Variants in FBXL5 observed in about 807,000 individuals in gnomAD.
FBXL5 encodes F-box and leucine rich repeat protein 5.
Under a neutral mutation model 78.3 loss-of-function variants are expected in FBXL5, and 26 were observed. The observed-to-expected ratio is 0.33, with a 90% confidence interval of 0.24 to 0.46. The LOEUF is 0.46. FBXL5 is among the 20% of genes least tolerant of loss of function. The probability of loss-of-function intolerance (pLI) is 1.00; values close to 1 mark genes in which losing one functional copy is unlikely to be tolerated. For missense variants in FBXL5, 710 were observed against 829.2 expected, an observed-to-expected ratio of 0.86 and a Z score of 1.77; for synonymous variants, 295 against 282.5, an observed-to-expected ratio of 1.04 and a Z score of -0.45.
intron 5 of FBXL5, among the ~76,000 whole-genome samples, chr4:15,632,551 G>A (rs2148603346): frequency 6.6e-6 from 1 of 152,292 alleles, no homozygotes; most frequent in African/African-American, 2.4e-5. Flanking sequence ...CATGAGCATG[G>A]AATGTTCTTC....
intron 1 of FBXL5, among the ~76,000 whole-genome samples, chr4:15,645,069 G>C (rs999563395): frequency 2.6e-5 from 4 of 151,964 alleles, no homozygotes; most frequent in African/African-American, 9.7e-5. Flanking sequence ...AGGGAAACTT[G>C]ATTAGGTTAA....
intron 1 of FBXL5, among the ~76,000 whole-genome samples, chr4:15,665,446 G>A (rs1184941581): frequency 6.6e-6 from 1 of 152,040 alleles, no homozygotes; most frequent in East Asian, 1.9e-4. Flanking sequence ...GGTCTACCTT[G>A]CAGGAATTAC....
At chr4:15,673,258 G>A (rs1022387261) in intron 1 of FBXL5, among the ~76,000 whole-genome samples, 5 of 152,012 alleles carry the variant, frequency 3.3e-5, no homozygotes, top group African/African-American at 7.3e-5. Flanking sequence ...TGGACAACAT[G>A]GCAAAATCCT....
chr4:15,623,330 T>C (rs1712673340), intron 9 of FBXL5, among the ~76,000 whole-genome samples: 1 of 152,046 alleles, frequency 6.6e-6, no homozygotes. Flanking sequence ...TCTGGGTTTT[T>C]TAAAACATCC....
intron 2 of FBXL5, 118 bp from the exon 3 acceptor site, chr4:15,641,001 C>A: frequency 1.9e-6 from 1 of 521,484 alleles, no homozygotes. Context: ...AGACAAATTG[C>A]AAAGTGGTCT....
At chr4:15,651,472 C>G (rs1432560298) in intron 1 of FBXL5, among the ~76,000 whole-genome samples, 2 of 152,126 alleles carry the variant, frequency 1.3e-5, no homozygotes, top group Non-Finnish European at 2.9e-5. Flanking sequence ...GTAGTAAGAA[C>G]TCATTAAATT....
chr4:15,676,602 T>C (rs1392261309), intron 1 of FBXL5, among the ~76,000 whole-genome samples: 1 of 152,082 alleles, frequency 6.6e-6, no homozygotes, highest in African/African-American at 2.4e-5. Context: ...TATTAGATAT[T>C]AGATAAAAAT....
At chr4:15,606,035 A>T (rs1721864840) in intron 10 of FBXL5, among the ~76,000 whole-genome samples, 1 of 152,198 alleles carries the variant, frequency 6.6e-6, no homozygotes, top group Non-Finnish European at 1.5e-5. Context: ...GAAAAAAATA[A>T]TTTTTAGCAA....
intron 9 of FBXL5, among the ~76,000 whole-genome samples, chr4:15,624,704 C>T (rs1712840225): frequency 6.6e-6 from 1 of 150,802 alleles, no homozygotes; most frequent in African/African-American, 2.4e-5. Context: ...CTCTTTATGA[C>T]TTAAAAAAGC....
At chr4:15,673,744 C>G (rs150349887) in intron 1 of FBXL5, among the ~76,000 whole-genome samples, 1 of 152,332 alleles carries the variant, frequency 6.6e-6, no homozygotes, top group Non-Finnish European at 1.5e-5. Context: ...AGAATTCTCT[C>G]TCTATGCAGC....
intron 1 of FBXL5, among the ~76,000 whole-genome samples, chr4:15,648,427 C>T (rs989188533): frequency 1.3e-5 from 2 of 152,188 alleles, no homozygotes; most frequent in Non-Finnish European, 2.9e-5. Context: ...GAGATATCTG[C>T]ACTCCCATGT....
rs190121273 is a variant in FBXL5, at chr4:15,630,696, A to G, written c.862T>C (p.Trp288Arg). 5.0e-6 allele frequency: 8 copies of G among 1,597,224 alleles called. No individual in the cohort carries two copies. In the Admixed American group the frequency reaches 1.5e-4, roughly 29 times the overall value. ...RKDESRAFHEWDEDADIDESE... is the reference protein window; with the variant it reads ...RKDESRAFHERDEDADIDESE... The stretch of plus-strand genomic sequence containing the variant: ...TCATCAATGTCAGCATCTTCATCCC[A>G]CTCATGAAAAGCACGACTTTCATCT... Residue 288 changes from tryptophan to arginine, a missense_variant, in exon 6 of 11, where the codon TGG becomes CGG. Trp to Arg is a moderately radical substitution (Grantham distance 101). Around this residue, in one of 4 missense-constraint regions of FBXL5, gnomAD observed 517 missense variants for 542.9 expected, o/e 0.95. Coordinates refer to ENST00000341285, the MANE Select transcript of FBXL5 (RefSeq NM_012161.4).
At chr4:15,614,953 T>C (rs1288922205) in intron 9 of FBXL5, among the ~76,000 whole-genome samples, 2 of 152,004 alleles carry the variant, frequency 1.3e-5, no homozygotes, top group Non-Finnish European at 2.9e-5. Context: ...GTGCGGCGCT[T>C]GCGGGCCAGC....
intron 10 of FBXL5, among the ~76,000 whole-genome samples, chr4:15,607,354 A>G (rs1721958969): frequency 6.6e-6 from 1 of 152,208 alleles, no homozygotes; most frequent in African/African-American, 2.4e-5. Context: ...TTTAATCAAA[A>G]TAACAATCTT....
chr4:15,626,236 G>A (rs1384657031), intron 8 of FBXL5, among the ~76,000 whole-genome samples: 1 of 152,162 alleles, frequency 6.6e-6, no homozygotes, highest in African/African-American at 2.4e-5. Flanking sequence ...GAAGACTTAA[G>A]TTTATTATCC....
chr4:15,678,397 C>G (rs568365410), intron 1 of FBXL5, among the ~76,000 whole-genome samples: 1 of 152,250 alleles, frequency 6.6e-6, no homozygotes, highest in African/African-American at 2.4e-5. Context: ...GAAACAAAAA[C>G]AAATGAAAAC....
intron 9 of FBXL5, among the ~76,000 whole-genome samples, chr4:15,617,321 T>C (rs1433006564): frequency 6.6e-6 from 1 of 152,028 alleles, no homozygotes; most frequent in Non-Finnish European, 1.5e-5. Flanking sequence ...GCAGGTGGAC[T>C]GCCTGAGCTC....
chr4:15,644,406 T>G, intron 2 of FBXL5, 87 bp downstream of exon 2: 2 of 1,042,626 alleles, frequency 1.9e-6, no homozygotes, highest in Non-Finnish European at 2.8e-6. Flanking sequence ...TTACATCATT[T>G]ACTATAAAAC....
intron 9 of FBXL5, among the ~76,000 whole-genome samples, chr4:15,619,214 T>C (rs1712228543): frequency 1.3e-5 from 2 of 152,142 alleles, no homozygotes; most frequent in African/African-American, 4.8e-5. Context: ...ATAAAATTCA[T>C]TCTATGAAAC....
Sources: gnomAD v4.1 joint callset for allele counts (sites outside exome capture counted in the v4.1 genomes callset) on GRCh38, gnomAD v4.1.1 for gene constraint, gnomAD v4.1.1 regional missense constraint, MANE v1.5 for transcripts, NCBI Gene and HGNC (gene_info 2026-07-23, HGNC 2026-07-21) for gene names.